INTS15: variants seen among roughly 807,000 people sequenced by gnomAD.
INTS15 encodes the protein uncharacterized protein C7orf26.
chr7:6,606,079 C>T, the INTS15 span, among the ~76,000 whole-genome samples: 10 of 152,288 alleles, frequency 6.6e-5, no homozygotes, highest in South Asian at 6.2e-4. Flanking sequence ...TTTCTATCTC[C>T]GGCAGGGTGT....
the INTS15 span, chr7:6,591,838 G>C: frequency 6.2e-7 from 1 of 1,614,044 alleles, no homozygotes; most frequent in Admixed American, 1.7e-5. Flanking sequence ...TCGAATCCCG[G>C]TGTTGGAGTG....
At chr7:6,599,454 G>A in the INTS15 span, among the ~76,000 whole-genome samples, 16 of 152,196 alleles carry the variant, frequency 1.1e-4, no homozygotes, top group African/African-American at 3.4e-4. Context: ...GGGAGGACAC[G>A]TACTCAGGGA....
the INTS15 span, among the ~76,000 whole-genome samples, chr7:6,603,875 C>G: frequency 6.6e-6 from 1 of 151,888 alleles, no homozygotes. Flanking sequence ...TGGCGTGCAT[C>G]TGTAATCCCA....
At chr7:6,598,341 C>T in the INTS15 span, among the ~76,000 whole-genome samples, 3 of 151,936 alleles carry the variant, frequency 2.0e-5, no homozygotes, top group African/African-American at 7.3e-5. Flanking sequence ...TGGTGGCAGG[C>T]GCCTATAGTC....
At chr7:6,607,978 C>T in the INTS15 span, 1 of 1,600,106 alleles carries the variant, frequency 6.2e-7, no homozygotes, top group Non-Finnish European at 8.5e-7. This position sits in a 1 kb window ranked among gnomAD's most constrained non-coding sequence, Gnocchi z 6.0. Flanking sequence ...AGCTGGTGAT[C>T]TCGGGTCCCG....
chr7:6,590,212 G>A, the INTS15 span: 7 of 1,309,480 alleles, frequency 5.3e-6, no homozygotes. Context: ...TTGTTTCCAC[G>A]GGTAGCGGCG....
chr7:6,591,299 A>C, the INTS15 span, among the ~76,000 whole-genome samples: 2 of 136,494 alleles, frequency 1.5e-5, 1 homozygote, highest in South Asian at 4.6e-4. Flanking sequence ...ACGGAGTCTC[A>C]CTCTGTCACC....
the INTS15 span, chr7:6,607,661 A>C: frequency 6.7e-7 from 1 of 1,503,190 alleles, no homozygotes; most frequent in Non-Finnish European, 9.0e-7. This position sits in a 1 kb window ranked among gnomAD's most constrained non-coding sequence, Gnocchi z 6.0. Flanking sequence ...GTCCCAGCGC[A>C]GCAGAGAGCC....
chr7:6,607,871 G>A, the INTS15 span: 70 of 1,555,072 alleles, frequency 4.5e-5, no homozygotes, highest in Middle Eastern at 2.3e-4. The surrounding 1 kb of genome is among the most constrained non-coding windows in gnomAD (Gnocchi z 6.0). Flanking sequence ...TCTCCTGGGC[G>A]GGGTGCGGGG....
chr7:6,590,093 C>A, the INTS15 span: 145 of 368,920 alleles, frequency 3.9e-4, 2 homozygotes, highest in East Asian at 5.9e-3. Context: ...GACCTTCGGG[C>A]GCCTGCTGGC....
At chr7:6,593,318 T>C in the INTS15 span, among the ~76,000 whole-genome samples, 1 of 150,720 alleles carries the variant, frequency 6.6e-6, no homozygotes, top group Non-Finnish European at 1.5e-5. Flanking sequence ...ACAAATTTGG[T>C]CTGTGCGGTG....
the INTS15 span, chr7:6,590,358 C>G: frequency 6.2e-7 from 1 of 1,606,704 alleles, no homozygotes; most frequent in Non-Finnish European, 8.5e-7. Context: ...ACCACCTGGA[C>G]ATCTACTTCA....
chr7:6,604,929 C>A, the INTS15 span, among the ~76,000 whole-genome samples: 1 of 152,098 alleles, frequency 6.6e-6, no homozygotes, highest in African/African-American at 2.4e-5. Flanking sequence ...ACAGACAGAT[C>A]AGAGGGCCAC....
chr7:6,593,975 A>G, the INTS15 span, among the ~76,000 whole-genome samples: 1 of 109,178 alleles, frequency 9.2e-6, no homozygotes, highest in Non-Finnish European at 1.8e-5. Flanking sequence ...CAGATTGCCC[A>G]CCCCTGCTTC....
chr7:6,607,904 G>A, the INTS15 span: 8 of 1,589,042 alleles, frequency 5.0e-6, no homozygotes, highest in African/African-American at 2.7e-5. The surrounding 1 kb of genome is among the most constrained non-coding windows in gnomAD (Gnocchi z 6.0). Flanking sequence ...CCTACCGTGC[G>A]CACCTGCGGA....
chr7:6,600,396 A>G, the INTS15 span: 1 of 1,565,072 alleles, frequency 6.4e-7, no homozygotes, highest in African/African-American at 1.4e-5. Context: ...GTGCGGGGAC[A>G]CCGCCGCCCT....
the INTS15 span, among the ~76,000 whole-genome samples, chr7:6,590,753 C>G: frequency 3.9e-5 from 6 of 152,260 alleles, no homozygotes; most frequent in African/African-American, 1.4e-4. Flanking sequence ...GGGCTGTTAC[C>G]GAAAGGCTCA....
At chr7:6,607,645 CTG>C in the INTS15 span, 1 of 1,483,188 alleles carries the variant, frequency 6.7e-7, no homozygotes, top group African/African-American at 1.4e-5. This position sits in a 1 kb window ranked among gnomAD's most constrained non-coding sequence, Gnocchi z 6.0. Context: ...GCCAGCTGTT[CTG>C]TGTGTCCCAG....
the INTS15 span, among the ~76,000 whole-genome samples, chr7:6,593,150 G>A: frequency 6.6e-6 from 1 of 152,128 alleles, no homozygotes; most frequent in Non-Finnish European, 1.5e-5. Flanking sequence ...TATGTAGAGG[G>A]CGAGATAGTG....
Sources: gnomAD v4.1 joint callset for allele counts (sites outside exome capture counted in the v4.1 genomes callset) on GRCh38, gnomAD v4.1.1 for gene constraint, Gnocchi (gnomAD v3.1) non-coding constraint, MANE v1.5 for transcripts, NCBI Gene and HGNC (gene_info 2026-07-23, HGNC 2026-07-21) for gene names.